TOP3B: variants seen among roughly 807,000 people sequenced by gnomAD.
The protein encoded by TOP3B is DNA topoisomerase III beta, also known as DNA topoisomerase 3-beta-1.
TOP3B carries 45 observed loss-of-function variants against 93.9 expected under a neutral mutation model. The ratio of observed to expected loss-of-function variants is 0.48; its 90% CI spans 0.38 to 0.61. The LOEUF (loss-of-function observed/expected upper bound fraction) is 0.61. Ranked by LOEUF, TOP3B falls within the 20% of genes least tolerant of loss-of-function variation. The pLI is 0.00. For synonymous variants in TOP3B, 357 were observed against 472.6 expected (o/e 0.76, Z 3.17); for missense variants, 750 against 1,156.1 (o/e 0.65, Z 5.09).
rs779137634 is a variant in TOP3B at position 21,971,870 on chromosome 22, C to A, written c.384+7G>T. On this transcript the variant is annotated splice_region_variant and intron_variant, in intron 5 of 17. Coordinates refer to ENST00000357179, the MANE Select transcript of TOP3B (RefSeq NM_001282112.2). This position sits in a 1 kb window ranked among gnomAD's most constrained non-coding sequence, Gnocchi z 4.6. The stretch of plus-strand genomic sequence containing the variant: ...AAAGTGAGGAACAAAGTGAGCCTCA[C>A]ACTCACCTCAAAGCAGATGTTCTCC... 6.2e-7 allele frequency: 1 copy of A among 1,613,794 alleles called. No homozygotes were observed. The highest frequency in any genetic ancestry group is 1.3e-5 in the African/African-American group (1 of 74,906).
Position 21,982,764 on chromosome 22 carries a change from G to A in TOP3B, c.-133C>T, listed in dbSNP as rs1047179618. ...CACCGCGGATCCAGCTCCGGTCCTT[G>A]TTCCCGGGGCGGCTACCGACAACCC... On this transcript the variant is annotated 5_prime_UTR_variant, in exon 1 of 18. Transcript: ENST00000357179. 1.3e-5 allele frequency: 2 copies of A among 152,362 alleles called. No individual in the cohort carries two copies. The highest frequency in any genetic ancestry group is 2.9e-5 in the Non-Finnish European group (2 of 68,038). The allele number at this position is 152,362 out of a possible 1,614,324, so 9.4% of individuals were successfully genotyped here.
At position 21,970,155 on chromosome 22, in the gene TOP3B, C is replaced by A; in HGVS notation, c.581+55G>T. 3 of 1,578,462 alleles carry A rather than the reference C, an allele frequency of 1.9e-6. No homozygotes were observed. Among genetic ancestry groups the A allele is most frequent in the Non-Finnish European group, 2.6e-6 (3 of 1,165,044 alleles). ...CGGAGGGGGACCAGTAGAGGCAGGT[C>A]TCTGGCTGAGGGAGAGTGAGGGTGT... On this transcript the variant is annotated intron_variant, in intron 6 of 17. Coordinates refer to ENST00000357179, the MANE Select transcript of TOP3B (RefSeq NM_001282112.2). The surrounding 1 kb of genome is among the most constrained non-coding windows in gnomAD (Gnocchi z 4.4).
chr22:21,981,884 TACC>T (rs1323425851), intron 1 of TOP3B, among the ~76,000 whole-genome samples: 5 of 152,098 alleles, frequency 3.3e-5, no homozygotes, highest in African/African-American at 1.2e-4. Flanking sequence ...TCCTAGGATT[TACC>T]ACCTCAGTAA....
intron 16 of TOP3B, 143 bp from the exon 17 acceptor site, chr22:21,958,836 G>A: frequency 1.5e-6 from 2 of 1,338,498 alleles, no homozygotes; most frequent in Non-Finnish European, 2.0e-6. Context: ...TGAGTCTCTG[G>A]CTCTTGCTCC....
chr22:21,970,177 G>A lies in TOP3B; in HGVS notation c.581+33C>T, dbSNP rs200333418. 34 of 1,597,348 alleles carry A rather than the reference G, an allele frequency of 2.1e-5. No homozygotes were observed. In the East Asian group the frequency reaches 7.2e-4, roughly 34 times the overall value. On this transcript the variant is annotated intron_variant, in intron 6 of 17. Coordinates refer to ENST00000357179, the MANE Select transcript of TOP3B (RefSeq NM_001282112.2). This position sits in a 1 kb window ranked among gnomAD's most constrained non-coding sequence, Gnocchi z 4.4. The stretch of plus-strand genomic sequence containing the variant: ...GGTCTCTGGCTGAGGGAGAGTGAGG[G>A]TGTGCCCAGGACTCTGCGGGTGTGG...
chr22:21,975,114 C>G (rs1379952995), intron 2 of TOP3B: 1 of 153,072 alleles, frequency 6.5e-6, no homozygotes, highest in Non-Finnish European at 1.5e-5. Context: ...TAGGGGGAAA[C>G]AGCACCCTAC....
chr22:21,967,776 C>A, intron 7 of TOP3B, 60 bp from the exon 8 acceptor site: 1 of 1,258,110 alleles, frequency 7.9e-7, no homozygotes, highest in African/African-American at 1.5e-5. Flanking sequence ...GAGCCCAACG[C>A]CAGGAAGAAC....
Position 21,962,841 on chromosome 22 carries a change from C to T in TOP3B, c.1257G>A (p.Thr419=), listed in dbSNP as rs762246391. The T allele has an allele frequency of 2.0e-5, 33 of 1,613,856 alleles. No homozygotes were observed. The highest frequency in any genetic ancestry group is 6.7e-5 in the Admixed American group (4 of 59,992). Residue 419 remains threonine (T), a synonymous_variant, in exon 12 of 18, where the codon ACG becomes ACA. Transcript: ENST00000357179. ...YEYITRHFIA[T]VSHDCKYLQS... ...GCAGGTACTTGCAGTCATGGCTGAC[C>T]GTGGCGATGAAGTGTCTGGTGATGT...
chr22:21,959,981 C>T (rs539318888), intron 14 of TOP3B: 4 of 630,052 alleles, frequency 6.3e-6, no homozygotes, highest in Non-Finnish European at 1.1e-5. Context: ...TGGCTAGAAC[C>T]ACATCACACA....
At chr22:21,960,131 C>T (rs1277887319) in intron 14 of TOP3B, 190 bp downstream of exon 14, 3 of 854,486 alleles carry the variant, frequency 3.5e-6, no homozygotes, top group South Asian at 1.6e-5. Context: ...TTCAAACACA[C>T]TGAGCTCCTG....
intron 13 of TOP3B, chr22:21,961,635 C>G (rs1256684111): frequency 1.3e-5 from 2 of 153,174 alleles, no homozygotes; most frequent in African/African-American, 2.4e-5. Context: ...CCATGGTCAC[C>G]AGGACCCCAG....
chr22:21,958,880 T>C, intron 16 of TOP3B, 187 bp from the exon 17 acceptor site: 2 of 1,121,478 alleles, frequency 1.8e-6, no homozygotes, highest in Non-Finnish European at 2.5e-6. Context: ...AAAATCTCTG[T>C]GTGTACATTA....
intron 13 of TOP3B, chr22:21,962,079 G>C (rs1601818627): frequency 1.2e-5 from 15 of 1,210,938 alleles, no homozygotes; most frequent in Admixed American, 3.5e-5. Flanking sequence ...GACAGCCCAG[G>C]CTGGCTGTGT....
rs1020417730 is a variant in TOP3B, at chr22:21,971,549, C to T, written c.384+328G>A. ...TCAACCCAAGGTCCCTGAGAAGTCA[C>T]GCTGGGCACAAGATGCTGAACACCA... is the stretch of plus-strand genomic sequence containing the variant. On this transcript the variant is annotated intron_variant, in intron 5 of 17. Coordinates refer to ENST00000357179, the MANE Select transcript of TOP3B (RefSeq NM_001282112.2). This position sits in a 1 kb window ranked among gnomAD's most constrained non-coding sequence, Gnocchi z 4.6. 17 of 388,060 alleles carry T rather than the reference C, an allele frequency of 4.4e-5. No individual in the cohort carries two copies. Among genetic ancestry groups the T allele is most frequent in the South Asian group, 8.5e-5 (4 of 47,152 alleles). The allele number at this position is 388,060 out of a possible 1,614,324, so 24.0% of individuals were successfully genotyped here. A position where few individuals can be genotyped will look rare whatever the true frequency, so the allele number is the denominator to read the frequency against.
At chr22:21,962,167 C>A in intron 13 of TOP3B, 2 of 1,404,112 alleles carry the variant, frequency 1.4e-6, no homozygotes, top group South Asian at 1.5e-5. Flanking sequence ...GGGCGTTAGT[C>A]GGTGTGTGCA....
At position 21,975,770 on chromosome 22, in the gene TOP3B, A is replaced by T; in HGVS notation, c.-61T>A. ...CTGGCAATGAAAAAGTTTAGACTCCACTCTTCCGCAGCACAGCACTATTAC... is the reference window on the plus strand; with the variant it reads ...CTGGCAATGAAAAAGTTTAGACTCCTCTCTTCCGCAGCACAGCACTATTAC... On this transcript the variant is annotated 5_prime_UTR_variant, in exon 2 of 18. Coordinates refer to ENST00000357179, the MANE Select transcript of TOP3B (RefSeq NM_001282112.2). 2 of 1,565,558 alleles carry T rather than the reference A, an allele frequency of 1.3e-6. No individual in the cohort carries two copies. Among genetic ancestry groups the T allele is most frequent in the Admixed American group, 3.4e-5 (2 of 58,124 alleles).
At chr22:21,960,085 C>T (rs1192852140) in intron 14 of TOP3B, 6 of 677,962 alleles carry the variant, frequency 8.9e-6, no homozygotes, top group Non-Finnish European at 1.2e-5. Context: ...GGCAACTTCG[C>T]CTCCCTTTTT....
At position 21,968,696 on chromosome 22, in the gene TOP3B, T is replaced by A. The variant is rs780886742; in HGVS notation, c.661A>T (p.Thr221Ser). Reference protein sequence around the residue: ...LISFGPCQTPTLGFCVERHDK... With the variant: ...LISFGPCQTPSLGFCVERHDK... The stretch of plus-strand genomic sequence containing the variant: ...TGTCTCTCCACACAGAATCCCAGGG[T>A]TGGAGTCTGACACGGCCCAAAGGAG... The change falls in exon 7 of 18, where the codon ACC (threonine) becomes TCC (serine). Residue 221 changes from threonine to serine, a missense_variant. Physicochemically the swap from Thr to Ser is moderately conservative, Grantham distance 58. Transcript: ENST00000357179. 1 of 1,614,050 alleles carries A rather than the reference T, an allele frequency of 6.2e-7. No homozygotes were observed.
In TOP3B at chr22:21,979,757, T is replaced by C. The variant is rs770367747; in HGVS notation, c.-99+2973A>G. Reference sequence around the variant, plus strand: ...GAGATCAAGACCATCCTGACTAACGTGGTGAAACCCCGTCTCTACTAAAAA... The same window carrying C: ...GAGATCAAGACCATCCTGACTAACGCGGTGAAACCCCGTCTCTACTAAAAA... On this transcript the variant is annotated intron_variant, in intron 1 of 17. Transcript: ENST00000357179. 9.1e-4 allele frequency among the ~76,000 whole-genome samples: 138 copies of C among 151,926 alleles called. 2 individuals are homozygous for C. The highest frequency in any genetic ancestry group is 6.3e-4 in the African/African-American group (26 of 41,436).
Sources: gnomAD v4.1 joint callset for allele counts (sites outside exome capture counted in the v4.1 genomes callset) on GRCh38, gnomAD v4.1.1 for gene constraint, Gnocchi (gnomAD v3.1) non-coding constraint, MANE v1.5 for transcripts, NCBI Gene and HGNC (gene_info 2026-07-23, HGNC 2026-07-21) for gene names.